The following SYCP2L variants were observed in gnomAD, a reference collection of about 807,000 sequenced individuals.
SYCP2L encodes the protein synaptonemal complex protein 2-like.
A neutral mutation model predicts 125.8 loss-of-function variants in SYCP2L; 98 were observed. The ratio of observed to expected loss-of-function variants is 0.78; its 90% CI spans 0.66 to 0.92. The LOEUF (loss-of-function observed/expected upper bound fraction) is 0.92, where lower values mean the gene tolerates loss of function less well. SYCP2L is among the 40% of genes least tolerant of loss of function. The pLI, the probability that SYCP2L is intolerant of heterozygous loss-of-function variation, is 0.00. For synonymous variants in SYCP2L, 317 were observed against 325.4 expected, an observed-to-expected ratio of 0.97 and a Z score of 0.28; for missense variants, 842 against 936.4, an observed-to-expected ratio of 0.90 and a Z score of 1.32.
intron 29 of SYCP2L, among the ~76,000 whole-genome samples, chr6:10,970,554 G>A (rs1285830921): frequency 2.6e-5 from 4 of 152,198 alleles, no homozygotes; most frequent in Admixed American, 1.3e-4. Flanking sequence ...GATGTGACAG[G>A]TGGGAAAAGG....
At chr6:10,962,057 T>G (rs1781602651) in intron 28 of SYCP2L, among the ~76,000 whole-genome samples, 1 of 152,188 alleles carries the variant, frequency 6.6e-6, no homozygotes. Flanking sequence ...ATTTGGGATA[T>G]CGTCCCATCT....
intron 8 of SYCP2L, among the ~76,000 whole-genome samples, chr6:10,903,407 C>G (rs551948452): frequency 3.3e-5 from 5 of 152,056 alleles, no homozygotes; most frequent in Non-Finnish European, 7.4e-5. Context: ...AATTAGCCGG[C>G]TGTGGTGGTG....
At chr6:10,920,473 T>C (rs1468416406) in intron 14 of SYCP2L, among the ~76,000 whole-genome samples, 2 of 152,178 alleles carry the variant, frequency 1.3e-5, no homozygotes, top group African/African-American at 4.8e-5. Flanking sequence ...AGCCTCGCCC[T>C]CCCAAAGTGC....
intron 18 of SYCP2L, among the ~76,000 whole-genome samples, chr6:10,928,939 G>A: frequency 6.7e-6 from 1 of 148,182 alleles, no homozygotes; most frequent in African/African-American, 2.5e-5. Flanking sequence ...TTAAGACTGA[G>A]TTTCGCTAAT....
At chr6:10,967,454 G>GGGGGGTGTGTGTGTGT (rs56098075) in intron 29 of SYCP2L, among the ~76,000 whole-genome samples, 1 of 138,836 alleles carries the variant, frequency 7.2e-6, no homozygotes, top group Admixed American at 7.3e-5. Context: ...TGGGGTAGAG[G>GGGGGGTGTGTGTGTGT]GTGTGTGTGT....
In SYCP2L at chr6:10,902,756, A is replaced by G. The variant is rs1554104789; in HGVS notation, c.546A>G (p.Gln182=). 3.4e-5 allele frequency: 55 copies of G among 1,614,164 alleles called. No individual in the cohort carries two copies. Among genetic ancestry groups the G allele is most frequent in the Non-Finnish European group, 4.7e-5 (55 of 1,179,996 alleles). The change falls in exon 7 of 30, where the codon CAA becomes CAG. Residue 182 remains glutamine (Q), a synonymous_variant. Coordinates refer to ENST00000283141, the MANE Select transcript of SYCP2L (RefSeq NM_001040274.3). ...VTEKTVNHLL[Q]QEGLKTFNCI... ...AAAAGACTGTAAATCATTTGCTTCA[A>G]CAGGAGGTGAGTTGCAAGTAACAAA...
chr6:10,913,971 A>G (rs760962524), intron 14 of SYCP2L, among the ~76,000 whole-genome samples: 4 of 151,928 alleles, frequency 2.6e-5, no homozygotes, highest in Non-Finnish European at 5.9e-5. Flanking sequence ...TGCTGGGATG[A>G]CAGGCATGTG....
At chr6:10,895,921 GGT>G (rs1024006581) in intron 4 of SYCP2L, among the ~76,000 whole-genome samples, 2 of 152,176 alleles carry the variant, frequency 1.3e-5, no homozygotes, top group African/African-American at 4.8e-5. Flanking sequence ...GGGAGGTTGA[GGT>G]GGGCAGATCA....
intron 18 of SYCP2L, 27 bp from the exon 19 acceptor site, chr6:10,930,343 A>G (rs753582802): frequency 1.3e-6 from 2 of 1,595,764 alleles, no homozygotes; most frequent in East Asian, 2.2e-5. Flanking sequence ...CCCTCTAAAA[A>G]TTCTCATTTA....
chr6:10,889,747 C>T (rs1463770147), intron 1 of SYCP2L, among the ~76,000 whole-genome samples: 13 of 151,798 alleles, frequency 8.6e-5, no homozygotes, highest in Admixed American at 2.0e-4. Flanking sequence ...CAGCCTCCCC[C>T]GTAGCTGGGA....
intron 25 of SYCP2L, among the ~76,000 whole-genome samples, chr6:10,956,994 T>G (rs1349422004): frequency 6.6e-6 from 1 of 151,960 alleles, no homozygotes; most frequent in Non-Finnish European, 1.5e-5. Flanking sequence ...ACCTGGCTAA[T>G]TTTTTAAAAT....
In SYCP2L at chr6:10,958,862, A is replaced by T. The variant is rs757314949; in HGVS notation, c.2242A>T (p.Met748Leu). The change falls in exon 26 of 30, where the codon ATG becomes TTG. Residue 748 changes from methionine to leucine, a missense_variant. Physicochemically the swap from Met to Leu is conservative, Grantham distance 15 (BLOSUM62 2). Coordinates refer to ENST00000283141, the MANE Select transcript of SYCP2L (RefSeq NM_001040274.3). ...TTGCCTAATAAAACTTTTAAACCAG[A>T]TGCAACTGTTCAGGTAAGTTTTAGG... ...PDCLIKLLNQ[M>L]QLFRLNKLER... The T allele has an allele frequency of 1.2e-6, 2 of 1,613,992 alleles. No individual in the cohort carries two copies.
chr6:10,911,119 T>C (rs1290137742), intron 12 of SYCP2L, among the ~76,000 whole-genome samples: 1 of 152,196 alleles, frequency 6.6e-6, no homozygotes, highest in East Asian at 1.9e-4. Context: ...ACTGTGTACA[T>C]GAGCACAGTT....
rs74704155 is a variant in SYCP2L at position 10,895,179 on chromosome 6, G to A, written c.336+975G>A. Among the ~76,000 whole-genome samples, 52 of 152,324 alleles carry A rather than the reference G, an allele frequency of 3.4e-4. No individual in the cohort carries two copies. The East Asian group carries it at 9.6e-3, about 28-fold the overall frequency. ...CGCCAACTTCTGCAGATAACAGGAA[G>A]CAGGGGAAAGGAGATAAAAATCTCA... On this transcript the variant is annotated intron_variant, in intron 4 of 29. Coordinates refer to ENST00000283141, the MANE Select transcript of SYCP2L (RefSeq NM_001040274.3).
intron 26 of SYCP2L, among the ~76,000 whole-genome samples, chr6:10,960,849 G>T (rs578184491): frequency 1.3e-5 from 2 of 152,204 alleles, no homozygotes; most frequent in Admixed American, 1.3e-4. Context: ...GCTGAGGCAG[G>T]CGGATCACCT....
intron 10 of SYCP2L, among the ~76,000 whole-genome samples, chr6:10,907,932 A>G (rs1487381662): frequency 1.9e-5 from 2 of 107,212 alleles, no homozygotes; most frequent in East Asian, 5.1e-4. Context: ...ACTCTTGCCC[A>G]GGCTGGAGTA....
At chr6:10,907,721 A>G in intron 10 of SYCP2L, 37 bp downstream of exon 10, 1 of 1,603,798 alleles carries the variant, frequency 6.2e-7, no homozygotes, top group African/African-American at 1.3e-5. Context: ...TTATTAGCCA[A>G]TATTTATTAA....
At chr6:10,966,842 G>A (rs1011906498) in intron 29 of SYCP2L, among the ~76,000 whole-genome samples, 2 of 152,042 alleles carry the variant, frequency 1.3e-5, no homozygotes, top group African/African-American at 2.4e-5. Flanking sequence ...TGATAGGGAA[G>A]GCACAATGAA....
chr6:10,907,233 T>G (rs941402474), intron 9 of SYCP2L, among the ~76,000 whole-genome samples: 3 of 151,814 alleles, frequency 2.0e-5, no homozygotes, highest in African/African-American at 7.3e-5. Flanking sequence ...AATCCCAGCT[T>G]CTTGGGAGGC....
Sources: gnomAD v4.1 joint callset for allele counts (sites outside exome capture counted in the v4.1 genomes callset) on GRCh38, gnomAD v4.1.1 for gene constraint, MANE v1.5 for transcripts, NCBI Gene and HGNC (gene_info 2026-07-23, HGNC 2026-07-21) for gene names.